TNFSF4: variants seen among roughly 807,000 people sequenced by gnomAD.
TNFSF4 encodes TNF superfamily member 4, also known as tumor necrosis factor ligand superfamily member 4.
In TNFSF4, 4 loss-of-function variants were observed where a neutral mutation model predicts 7.3. That is an observed-to-expected ratio of 0.55 (90% CI 0.27 to 1.25). The LOEUF is 1.25. TNFSF4 is among the 50% of genes most tolerant of loss of function. The pLI is 0.12. For synonymous variants in TNFSF4, 76 were observed against 83.7 expected, an observed-to-expected ratio of 0.91 and a Z score of 0.50; for missense variants, 181 against 208.8, an observed-to-expected ratio of 0.87 and a Z score of 0.82.
At chr1:173,350,013 T>C in the TNFSF4 span, among the ~76,000 whole-genome samples, 3 of 152,292 alleles carry the variant, frequency 2.0e-5, no homozygotes, top group South Asian at 4.1e-4. Flanking sequence ...TTGTATAGCA[T>C]AAAATATATT....
At chr1:173,315,939 G>A in the TNFSF4 span, among the ~76,000 whole-genome samples, 1 of 152,076 alleles carries the variant, frequency 6.6e-6, no homozygotes, top group African/African-American at 2.4e-5. Flanking sequence ...TGCTGCCTGA[G>A]CTTTTGATTT....
the TNFSF4 span, among the ~76,000 whole-genome samples, chr1:173,338,111 C>T: frequency 6.6e-6 from 1 of 152,158 alleles, no homozygotes; most frequent in African/African-American, 2.4e-5. Flanking sequence ...CTGCCGACTT[C>T]ACAATCTGCC....
the TNFSF4 span, among the ~76,000 whole-genome samples, chr1:173,423,366 A>G: frequency 6.6e-6 from 1 of 152,164 alleles, no homozygotes; most frequent in Admixed American, 6.5e-5. Flanking sequence ...CTTTAATTAA[A>G]ACACAGCCTT....
At chr1:173,343,493 T>C in the TNFSF4 span, among the ~76,000 whole-genome samples, 1 of 152,204 alleles carries the variant, frequency 6.6e-6, no homozygotes, top group Non-Finnish European at 1.5e-5. Context: ...GATATGGTGA[T>C]GCAGCAAGGG....
At chr1:173,211,709 G>A (rs573587937), upstream of TNFSF4, among the ~76,000 whole-genome samples, 1 of 152,218 alleles carries the variant, frequency 6.6e-6, no homozygotes, top group Non-Finnish European at 1.5e-5. Context: ...GAGGTAGTGA[G>A]CTTGCTGTGT....
chr1:173,178,104 C>G, the TNFSF4 span, among the ~76,000 whole-genome samples: 1 of 152,124 alleles, frequency 6.6e-6, no homozygotes, highest in African/African-American at 2.4e-5. Context: ...AGAGGATATA[C>G]CCATTATATA....
chr1:173,335,643 A>AT, the TNFSF4 span, among the ~76,000 whole-genome samples: 8 of 152,220 alleles, frequency 5.3e-5, no homozygotes, highest in Admixed American at 3.3e-4. Context: ...GAAATGTTCT[A>AT]GGTCAAGTGA....
the TNFSF4 span, among the ~76,000 whole-genome samples, chr1:173,273,291 C>G: frequency 2.0e-5 from 3 of 152,078 alleles, no homozygotes; most frequent in Non-Finnish European, 4.4e-5. Context: ...TTTGTTCTTG[C>G]TTCAATTTTA....
At chr1:173,259,842 A>G in the TNFSF4 span, among the ~76,000 whole-genome samples, 2 of 152,340 alleles carry the variant, frequency 1.3e-5, no homozygotes, top group African/African-American at 4.8e-5. Flanking sequence ...CTAGGGGATT[A>G]TGTAAAAAGA....
At chr1:173,308,636 A>AT in the TNFSF4 span, among the ~76,000 whole-genome samples, 50 of 151,940 alleles carry the variant, frequency 3.3e-4, no homozygotes, top group South Asian at 2.1e-4. Flanking sequence ...AACAATAATA[A>AT]TTTTTTTATT....
the TNFSF4 span, among the ~76,000 whole-genome samples, chr1:173,344,621 C>G: frequency 6.6e-6 from 1 of 152,330 alleles, no homozygotes; most frequent in South Asian, 2.1e-4. Flanking sequence ...GCATCAGACT[C>G]ACTTTCAGAC....
At chr1:173,198,385 G>T (rs754568379) in intron 1 of TNFSF4, among the ~76,000 whole-genome samples, 1 of 152,220 alleles carries the variant, frequency 6.6e-6, no homozygotes, top group Non-Finnish European at 1.5e-5. Context: ...AGATTTCAAA[G>T]GATTGTGTGA....
the TNFSF4 span, among the ~76,000 whole-genome samples, chr1:173,379,295 A>G: frequency 1.3e-5 from 2 of 151,786 alleles, no homozygotes; most frequent in South Asian, 4.2e-4. Context: ...AGTCTTAAAC[A>G]TCTGCTGACT....
chr1:173,216,549 T>C, the TNFSF4 span, among the ~76,000 whole-genome samples: 1 of 152,080 alleles, frequency 6.6e-6, no homozygotes, highest in African/African-American at 2.4e-5. Context: ...AAGAACCAAA[T>C]GAATGGTTCC....
the TNFSF4 span, among the ~76,000 whole-genome samples, chr1:173,302,777 G>T: frequency 6.6e-6 from 1 of 150,942 alleles, no homozygotes; most frequent in African/African-American, 2.4e-5. Flanking sequence ...TTTTAGCTGA[G>T]CTCCAGAGGA....
At chr1:173,244,528 G>C in the TNFSF4 span, among the ~76,000 whole-genome samples, 1 of 149,668 alleles carries the variant, frequency 6.7e-6, no homozygotes, top group Non-Finnish European at 1.5e-5. Flanking sequence ...TGTAGTCCCA[G>C]CTACTTGGGA....
the TNFSF4 span, among the ~76,000 whole-genome samples, chr1:173,336,393 T>C: frequency 1.3e-5 from 2 of 152,182 alleles, no homozygotes; most frequent in African/African-American, 4.8e-5. Flanking sequence ...CCAATTGGAG[T>C]TGCTGTACTA....
At chr1:173,226,668 T>C in the TNFSF4 span, among the ~76,000 whole-genome samples, 3 of 152,236 alleles carry the variant, frequency 2.0e-5, no homozygotes, top group Non-Finnish European at 4.4e-5. Flanking sequence ...TTAATCTTTA[T>C]GTTTCAAAAT....
At chr1:173,249,688 G>A in the TNFSF4 span, among the ~76,000 whole-genome samples, 1 of 152,280 alleles carries the variant, frequency 6.6e-6, no homozygotes, top group South Asian at 2.1e-4. Flanking sequence ...AACAGTTCAT[G>A]TGCCAGGACA....
Sources: allele counts gnomAD v4.1 joint callset (sites outside exome capture counted in the v4.1 genomes callset), GRCh38; gene constraint gnomAD v4.1.1; transcripts MANE v1.5; gene names NCBI Gene and HGNC (gene_info 2026-07-23, HGNC 2026-07-21).